The following PRIM1 variants were observed in gnomAD, a reference collection of about 807,000 sequenced individuals.
PRIM1 encodes the protein DNA primase subunit 1.
PRIM1 carries 38 observed loss-of-function variants against 60.2 expected under a neutral mutation model. The observed-to-expected ratio is 0.63, with a 90% CI of 0.49 to 0.83. The LOEUF is 0.83. Among genes scored for constraint, PRIM1 ranks in the 40% least tolerant of loss-of-function variants. The pLI, the probability that PRIM1 is intolerant of heterozygous loss-of-function variation, is 0.00. For synonymous variants in PRIM1, 158 were observed against 160.2 expected, an observed-to-expected ratio of 0.99 and a Z score of 0.10; for missense variants, 388 against 506.2, an observed-to-expected ratio of 0.77 and a Z score of 2.24.
In PRIM1 at chr12:56,751,196, C is replaced by A; in HGVS notation, c.104-1G>T. 6.6e-7 allele frequency: 1 copy of A among 1,523,446 alleles called. No homozygotes were observed. Among genetic ancestry groups the A allele is most frequent in the East Asian group, 2.4e-5 (1 of 41,276 alleles). The allele number at this position is 1,523,446 out of a possible 1,614,324, so 94.4% of individuals were successfully genotyped here. On this transcript the variant is annotated splice_acceptor_variant, in intron 1 of 12. Transcript: ENST00000338193. LOFTEE classifies it high-confidence loss of function. ...CGGTGTTGAAAGTAATTCTTTATCA[C>A]TGCAAAATAAATGTACATTTTAAAG... is the stretch of plus-strand genomic sequence containing the variant.
chr12:56,740,006 G>A (rs1460592777), intron 9 of PRIM1, among the ~76,000 whole-genome samples: 6 of 151,876 alleles, frequency 4.0e-5, no homozygotes, highest in Non-Finnish European at 7.4e-5. Flanking sequence ...GTGTGGTGGC[G>A]GGTACCTGTA....
rs1485199772 is a variant in PRIM1 at position 56,751,095 on chromosome 12, CT to C, written c.203del (p.Lys68ArgfsTer6). ...TGTATGGATTCATTTTCTGCATCTC[CT>C]TTTCCAGATCACTCTGGTTGTTGAA... ...QSFNNQSDLE[K>X]EMQKMNPYKI... On this transcript the variant is annotated frameshift_variant, in exon 2 of 13. Coordinates refer to ENST00000338193, the MANE Select transcript of PRIM1 (RefSeq NM_000946.3). LOFTEE classifies it high-confidence loss of function. The C allele has an allele frequency of 1.3e-6, 2 of 1,599,922 alleles. No homozygotes were observed. Among genetic ancestry groups the C allele is most frequent in the Admixed American group, 1.7e-5 (1 of 58,214 alleles).
At chr12:56,738,553 G>C in intron 10 of PRIM1, 28 bp from the exon 11 acceptor site, 4 of 1,544,826 alleles carry the variant, frequency 2.6e-6, no homozygotes, top group Non-Finnish European at 3.5e-6. Flanking sequence ...AGAGAATTTT[G>C]TTTTTGTTTT....
At chr12:56,738,684 TG>T (rs1953851405) in intron 10 of PRIM1, among the ~76,000 whole-genome samples, 159 bp from the exon 11 acceptor site, 1 of 152,204 alleles carries the variant, frequency 6.6e-6, no homozygotes, top group South Asian at 2.1e-4. Flanking sequence ...CCCAAGTAGC[TG>T]GGACTACAGG....
At chr12:56,746,905 A>G (rs377407460) in intron 3 of PRIM1, 21 bp downstream of exon 3, 5 of 1,612,790 alleles carry the variant, frequency 3.1e-6, no homozygotes, top group Non-Finnish European at 4.2e-6. Context: ...CCACCCTAAC[A>G]GCAAGACACA....
chr12:56,747,106 TGGAAA>T, intron 2 of PRIM1, 74 bp from the exon 3 acceptor site: 1 of 1,231,400 alleles, frequency 8.1e-7, no homozygotes, highest in Non-Finnish European at 1.2e-6. Context: ...TCTACACATA[TGGAAA>T]AAGTTGCCAA....
intron 7 of PRIM1, among the ~76,000 whole-genome samples, chr12:56,742,251 T>C (rs1313007033): frequency 6.6e-6 from 1 of 151,090 alleles, no homozygotes; most frequent in East Asian, 2.0e-4. Context: ...AGACTCCATC[T>C]CAACAACAAA....
intron 5 of PRIM1, among the ~76,000 whole-genome samples, chr12:56,745,640 C>T (rs1283910466): frequency 6.6e-6 from 1 of 151,954 alleles, no homozygotes; most frequent in Non-Finnish European, 1.5e-5. Flanking sequence ...ATGTGAATGC[C>T]ATTAAAGATA....
chr12:56,747,495 C>T (rs959534580), intron 2 of PRIM1, among the ~76,000 whole-genome samples: 9 of 152,190 alleles, frequency 5.9e-5, no homozygotes, highest in Admixed American at 4.6e-4. Flanking sequence ...CCTGTAATCC[C>T]AGCACTTTGA....
At chr12:56,733,067 C>T (rs1953795493) in intron 12 of PRIM1, among the ~76,000 whole-genome samples, 1 of 150,842 alleles carries the variant, frequency 6.6e-6, no homozygotes, top group Non-Finnish European at 1.5e-5. Context: ...GTTGGCCAGG[C>T]TGGTCTTGAA....
In PRIM1 at chr12:56,736,644, C is replaced by T. The variant is rs781362072; in HGVS notation, c.1144+1790G>A. Among the ~76,000 whole-genome samples, 18 of 152,058 alleles carry T rather than the reference C, an allele frequency of 1.2e-4. 1 individual carries two copies. The highest frequency in any genetic ancestry group is 3.4e-3 in the Middle Eastern group (1 of 294). On this transcript the variant is annotated intron_variant, in intron 11 of 12. Transcript: ENST00000338193. Reference sequence around the variant, plus strand: ...TCAGCCTCCTGAATAGCTGGGACTACAGGTGTGCACCACCATGCCTGGCTA... The same window carrying T: ...TCAGCCTCCTGAATAGCTGGGACTATAGGTGTGCACCACCATGCCTGGCTA...
At chr12:56,745,631 T>C (rs939893888) in intron 5 of PRIM1, among the ~76,000 whole-genome samples, 2 of 152,144 alleles carry the variant, frequency 1.3e-5, no homozygotes, top group African/African-American at 4.8e-5. Context: ...TACTCTGCAA[T>C]GTGAATGCCA....
intron 11 of PRIM1, among the ~76,000 whole-genome samples, chr12:56,735,629 T>C (rs1012929874): frequency 6.6e-6 from 1 of 151,914 alleles, no homozygotes; most frequent in Non-Finnish European, 1.5e-5. Flanking sequence ...TGGAGATTAT[T>C]AGAAGTTTTT....
intron 11 of PRIM1, among the ~76,000 whole-genome samples, chr12:56,735,443 A>G (rs1953820279): frequency 6.6e-6 from 1 of 151,920 alleles, no homozygotes. Context: ...TGCCCAGGCT[A>G]GAATGCAGTG....
chr12:56,750,952 A>C (rs1281038742), intron 2 of PRIM1, 86 bp downstream of exon 2: 1 of 966,604 alleles, frequency 1.0e-6, no homozygotes, highest in African/African-American at 1.7e-5. Flanking sequence ...AAACTCTAAA[A>C]ATTTAATCTC....
At chr12:56,740,303 T>C (rs1390123970) in intron 9 of PRIM1, among the ~76,000 whole-genome samples, 1 of 152,090 alleles carries the variant, frequency 6.6e-6, no homozygotes, top group African/African-American at 2.4e-5. Context: ...AGTTAGTGAG[T>C]CCTGAAAATA....
At chr12:56,745,166 T>C (rs1211540022) in intron 5 of PRIM1, among the ~76,000 whole-genome samples, 1 of 151,682 alleles carries the variant, frequency 6.6e-6, no homozygotes. Flanking sequence ...AATCTCAGCA[T>C]TTTGGGAGCC....
chr12:56,738,858 G>A (rs11514185), intron 10 of PRIM1, among the ~76,000 whole-genome samples: 4,976 of 152,230 alleles, frequency 0.033, 286 homozygotes, highest in African/African-American at 0.11. Flanking sequence ...CCACGAACAA[G>A]AGAAGTTTAA....
At chr12:56,742,344 G>C (rs763843208) in intron 7 of PRIM1, among the ~76,000 whole-genome samples, 6 of 151,976 alleles carry the variant, frequency 3.9e-5, no homozygotes, top group Non-Finnish European at 7.4e-5. Context: ...AATATTTTGG[G>C]AGGCTGAGGT....
Sources: gnomAD v4.1 joint callset for allele counts (sites outside exome capture counted in the v4.1 genomes callset) on GRCh38, gnomAD v4.1.1 for gene constraint, MANE v1.5 for transcripts, NCBI Gene and HGNC (gene_info 2026-07-23, HGNC 2026-07-21) for gene names.